Variants in SGK1 observed in about 807,000 individuals in gnomAD.
The protein encoded by SGK1 is serine/threonine-protein kinase Sgk1.
Under a neutral mutation model 64.2 loss-of-function variants are expected in SGK1, and 26 were observed. That is an observed-to-expected ratio of 0.40 (90% CI 0.30 to 0.56). The LOEUF (loss-of-function observed/expected upper bound fraction) is 0.56. SGK1 is among the 20% of genes least tolerant of loss of function. The pLI is 0.38. For missense variants in SGK1, 519 were observed against 645.6 expected (o/e 0.80, Z 2.12); for synonymous variants, 265 against 239.7 (o/e 1.11, Z -0.98).
chr6:134,253,022 A>G (rs985943187), intron 2 of SGK1, among the ~76,000 whole-genome samples: 2 of 152,204 alleles, frequency 1.3e-5, no homozygotes, highest in African/African-American at 4.8e-5. Context: ...AGACAATATA[A>G]AAGTATGTCA....
chr6:134,261,953 C>T lies in SGK1; in HGVS notation c.265G>A (p.Glu89Lys). 2 of 1,613,210 alleles carry T rather than the reference C, an allele frequency of 1.2e-6. No individual in the cohort carries two copies. The highest frequency in any genetic ancestry group is 1.7e-6 in the Non-Finnish European group (2 of 1,179,172). Residue 89 changes from glutamate to lysine, a missense_variant, in exon 2 of 14, where the codon GAA (glutamate) becomes AAA (lysine). By Grantham distance (56) the Glu-to-Lys change is moderately conservative. Transcript: ENST00000367858. ...LPQENESCSW[E>K]TQSGCEVREP... The stretch of plus-strand genomic sequence containing the variant: ...CTTACTTCACACCCAGATTGAGTTT[C>T]CCATGAACATGACTCGTTCTCCTGA...
chr6:134,277,216 G>A (rs1777031261), intron 1 of SGK1, among the ~76,000 whole-genome samples: 7 of 152,086 alleles, frequency 4.6e-5, no homozygotes, highest in Admixed American at 4.6e-4. Flanking sequence ...CAGCTACTCG[G>A]GAGGCTGAGG....
intron 1 of SGK1, among the ~76,000 whole-genome samples, chr6:134,266,020 G>T (rs149473764): frequency 0.014 from 2,124 of 151,828 alleles, 22 homozygotes; most frequent in African/African-American, 0.02. Flanking sequence ...GTCTCTGATT[G>T]TCACCCAGGC....
At chr6:134,281,043 G>A (rs889379641) in intron 1 of SGK1, among the ~76,000 whole-genome samples, 12 of 152,118 alleles carry the variant, frequency 7.9e-5, no homozygotes, top group Non-Finnish European at 5.9e-5. Context: ...ACTCCAGCCT[G>A]GGTGACGAGC....
intron 3 of SGK1, among the ~76,000 whole-genome samples, chr6:134,182,495 A>G (rs114941477): frequency 0.017 from 2,314 of 139,404 alleles, 70 homozygotes; most frequent in African/African-American, 0.06. Context: ...GACTCCGTCT[A>G]AAAAAAAAAA....
chr6:134,215,211 G>C (rs1248341518), intron 2 of SGK1: 1 of 398,214 alleles, frequency 2.5e-6, no homozygotes, highest in Non-Finnish European at 4.9e-6. Flanking sequence ...CGCCTCCTGG[G>C]TTCAAGCAAT....
chr6:134,306,723 C>T (rs1777540296), intron 1 of SGK1, among the ~76,000 whole-genome samples: 1 of 151,856 alleles, frequency 6.6e-6, no homozygotes, highest in Non-Finnish European at 1.5e-5. Flanking sequence ...TGGGGTTTTG[C>T]CATGTTCCCC....
chr6:134,210,019 A>G (rs1775861862), intron 2 of SGK1, among the ~76,000 whole-genome samples: 1 of 152,164 alleles, frequency 6.6e-6, no homozygotes, highest in African/African-American at 2.4e-5. Flanking sequence ...TGAATTTACC[A>G]TCTGGTACAA....
chr6:134,208,797 CATACAT>C (rs1775835446), intron 2 of SGK1, among the ~76,000 whole-genome samples: 2 of 150,870 alleles, frequency 1.3e-5, no homozygotes, highest in African/African-American at 4.9e-5. Context: ...TACACACACA[CATACAT>C]ATACACACAT....
intron 1 of SGK1, among the ~76,000 whole-genome samples, chr6:134,294,039 G>A (rs1010466829): frequency 1.3e-5 from 2 of 152,170 alleles, no homozygotes; most frequent in African/African-American, 2.4e-5. Context: ...AGGTCATGTT[G>A]CAAGTTTTTC....
chr6:134,227,724 G>A (rs1218074636), intron 2 of SGK1, among the ~76,000 whole-genome samples: 1 of 152,086 alleles, frequency 6.6e-6, no homozygotes, highest in Admixed American at 6.6e-5. Context: ...TGAAATAACT[G>A]GGAAAAGTAA....
chr6:134,264,674 G>C (rs1402400633), intron 1 of SGK1, among the ~76,000 whole-genome samples: 1 of 151,526 alleles, frequency 6.6e-6, no homozygotes, highest in Non-Finnish European at 1.5e-5. Flanking sequence ...AAAGGGTCTT[G>C]TTTTGTTCCC....
intron 1 of SGK1, chr6:134,298,291 A>G (rs1317836772): frequency 3.8e-6 from 6 of 1,559,174 alleles, no homozygotes; most frequent in Non-Finnish European, 5.3e-6. Flanking sequence ...CATGTTGTCC[A>G]TGTTGCTCCA....
chr6:134,279,431 A>AAAATAAAT lies in SGK1; in HGVS notation c.70-17291_70-17284dup, dbSNP rs142061179. Reference sequence around the variant, plus strand: ...GGGCAATAGAGTGAGATCCTGTCTCAAAATAAATAAATAAATAAATAAATA... The same window carrying AAAATAAAT: ...GGGCAATAGAGTGAGATCCTGTCTCAAAATAAATAAATAAATAAATAAATAAATAAATA... On this transcript the variant is annotated intron_variant, in intron 1 of 13. Transcript: ENST00000367858. 6.4e-3 allele frequency among the ~76,000 whole-genome samples: 954 copies of AAAATAAAT among 148,120 alleles called. 5 individuals are homozygous for AAAATAAAT. The highest frequency in any genetic ancestry group is 0.013 in the African/African-American group (531 of 40,158).
intron 1 of SGK1, among the ~76,000 whole-genome samples, chr6:134,296,755 A>G (rs1283561850): frequency 7.0e-6 from 1 of 142,160 alleles, no homozygotes; most frequent in African/African-American, 2.6e-5. Flanking sequence ...TGGCAGAGCT[A>G]GCTGAGGTTT....
chr6:134,287,693 TG>T (rs1418437222), intron 1 of SGK1, among the ~76,000 whole-genome samples: 1 of 152,120 alleles, frequency 6.6e-6, no homozygotes, highest in Admixed American at 6.6e-5. Context: ...TTGGAAAATG[TG>T]ATAATGACTT....
At position 134,290,558 on chromosome 6, in the gene SGK1, A is replaced by G. The variant is rs371431095; in HGVS notation, c.69+26834T>C. Among the ~76,000 whole-genome samples the G allele has an allele frequency of 2.0e-4, 30 of 152,178 alleles. 1 individual carries two copies. Among genetic ancestry groups the G allele is most frequent in the African/African-American group, 5.5e-4 (23 of 41,498 alleles). ...AATAATGGTTGTGAGTTGAGCAAGCAGAGACAGAAAAAATGAAGAGTGTAG... is the reference window on the plus strand; with the variant it reads ...AATAATGGTTGTGAGTTGAGCAAGCGGAGACAGAAAAAATGAAGAGTGTAG... On this transcript the variant is annotated intron_variant, in intron 1 of 13. Transcript: ENST00000367858.
At chr6:134,202,640 T>G (rs2114678146) in intron 3 of SGK1, among the ~76,000 whole-genome samples, 1 of 151,938 alleles carries the variant, frequency 6.6e-6, no homozygotes, top group African/African-American at 2.4e-5. Flanking sequence ...AGAGCAAGAT[T>G]CTATCTCAAA....
rs1336302169 is a variant in SGK1, at chr6:134,280,489, G to A, written c.70-18341C>T. ...GACAAGGTCTCACTATATTGCCCAG[G>A]CTAGTCTCAAACTACCGGGCTCAAG... On this transcript the variant is annotated intron_variant, in intron 1 of 13. Transcript: ENST00000367858. Among the ~76,000 whole-genome samples the A allele has an allele frequency of 2.6e-5, 4 of 151,876 alleles. No homozygotes were observed. In the East Asian group the frequency reaches 7.7e-4, roughly 29 times the overall value.
Sources: gnomAD v4.1 joint callset for allele counts (sites outside exome capture counted in the v4.1 genomes callset) on GRCh38, gnomAD v4.1.1 for gene constraint, MANE v1.5 for transcripts, NCBI Gene and HGNC (gene_info 2026-07-23, HGNC 2026-07-21) for gene names.